MAPKAP1: variants seen among roughly 807,000 people sequenced by gnomAD.
The protein encoded by MAPKAP1 is MAPK associated protein 1, also known as target of rapamycin complex 2 subunit MAPKAP1.
Under a neutral mutation model 65.7 loss-of-function variants are expected in MAPKAP1, and 20 were observed. The ratio of observed to expected loss-of-function variants is 0.30; its 90% CI spans 0.21 to 0.44. MAPKAP1 has a LOEUF of 0.44. MAPKAP1 is among the 20% of genes least tolerant of loss of function. The probability of loss-of-function intolerance (pLI) is 1.00; values close to 1 mark genes in which losing one functional copy is unlikely to be tolerated. For missense variants in MAPKAP1, 423 were observed against 648.0 expected (o/e 0.65, Z 3.77); for synonymous variants, 222 against 244.3 (o/e 0.91, Z 0.85).
chr9:125,498,046 A>C (rs1405800864), intron 8 of MAPKAP1, among the ~76,000 whole-genome samples: 2 of 152,134 alleles, frequency 1.3e-5, no homozygotes, highest in Non-Finnish European at 2.9e-5. Flanking sequence ...CCTCCCCATA[A>C]TGTACTTGGG....
chr9:125,489,509 G>A (rs1037949748), intron 8 of MAPKAP1, among the ~76,000 whole-genome samples: 1 of 152,176 alleles, frequency 6.6e-6, no homozygotes, highest in African/African-American at 2.4e-5. Context: ...GGGCCTAATA[G>A]TGACTTGAGC....
At position 125,629,054 on chromosome 9, in the gene MAPKAP1, A is replaced by AACACACACAC. The variant is rs71374284; in HGVS notation, c.498+28587_498+28596dup. Reference sequence around the variant, plus strand: ...CACCTGTTAGGATGGTCACTGTCAAAACACACACACACACACACACACACA... The same window carrying AACACACACAC: ...CACCTGTTAGGATGGTCACTGTCAAAACACACACACACACACACACACACACACACACACA... On this transcript the variant is annotated intron_variant, in intron 4 of 11. Coordinates refer to ENST00000265960, the MANE Select transcript of MAPKAP1 (RefSeq NM_001006617.3). Among the ~76,000 whole-genome samples the AACACACACAC allele has an allele frequency of 9.4e-4, 138 of 147,478 alleles. 1 individual carries two copies. Among genetic ancestry groups the AACACACACAC allele is most frequent in the East Asian group, 6.8e-3 (34 of 5,022 alleles).
chr9:125,491,683 A>T (rs1208378647), intron 8 of MAPKAP1, among the ~76,000 whole-genome samples: 1 of 151,790 alleles, frequency 6.6e-6, no homozygotes, highest in Non-Finnish European at 1.5e-5. Context: ...GGGGAAGCCG[A>T]GGTGGGAGGA....
intron 5 of MAPKAP1, among the ~76,000 whole-genome samples, chr9:125,577,020 G>A (rs1429055013): frequency 6.6e-6 from 1 of 150,682 alleles, no homozygotes. Flanking sequence ...TGGCTGCCCA[G>A]TCTGGAAAGT....
intron 7 of MAPKAP1, among the ~76,000 whole-genome samples, chr9:125,519,374 G>C (rs114875193): frequency 1.4e-4 from 22 of 152,216 alleles, no homozygotes; most frequent in African/African-American, 5.1e-4. Flanking sequence ...GGTTGCTCGT[G>C]CCTGTAATCC....
intron 9 of MAPKAP1, among the ~76,000 whole-genome samples, chr9:125,470,657 A>G (rs1853877711): frequency 1.3e-5 from 2 of 152,180 alleles, no homozygotes; most frequent in South Asian, 2.1e-4. Context: ...CACTTTCCCA[A>G]TGACGCCCTT....
chr9:125,589,324 C>T (rs1043501502), intron 4 of MAPKAP1, among the ~76,000 whole-genome samples: 1 of 152,148 alleles, frequency 6.6e-6, no homozygotes, highest in African/African-American at 2.4e-5. Context: ...GCTTTCTCCA[C>T]GAAGTTTCCT....
At chr9:125,621,656 G>A (rs945418134) in intron 4 of MAPKAP1, among the ~76,000 whole-genome samples, 3 of 152,186 alleles carry the variant, frequency 2.0e-5, no homozygotes, top group African/African-American at 7.2e-5. Context: ...TAATTCAAAT[G>A]TGTATGTTTA....
At chr9:125,492,501 T>C (rs1304589040) in intron 8 of MAPKAP1, among the ~76,000 whole-genome samples, 1 of 152,226 alleles carries the variant, frequency 6.6e-6, no homozygotes, top group Admixed American at 6.5e-5. Flanking sequence ...AATACTGTTT[T>C]ATAGTTTTAA....
At chr9:125,634,727 G>A (rs937348026) in intron 4 of MAPKAP1, among the ~76,000 whole-genome samples, 4 of 152,160 alleles carry the variant, frequency 2.6e-5, no homozygotes, top group African/African-American at 9.7e-5. Flanking sequence ...GGGTTAGAGG[G>A]GAGATGGAAA....
chr9:125,600,892 A>T (rs2131610113), intron 4 of MAPKAP1, among the ~76,000 whole-genome samples: 1 of 152,310 alleles, frequency 6.6e-6, no homozygotes, highest in East Asian at 1.9e-4. Context: ...CATAATGATG[A>T]TATTATCAGG....
At chr9:125,633,174 T>C (rs1833335076) in intron 4 of MAPKAP1, among the ~76,000 whole-genome samples, 1 of 152,040 alleles carries the variant, frequency 6.6e-6, no homozygotes, top group Non-Finnish European at 1.5e-5. Context: ...ATGAAAGAAG[T>C]GAGATTTAAG....
At chr9:125,448,436 C>T (rs1852802042) in intron 10 of MAPKAP1, among the ~76,000 whole-genome samples, 1 of 152,064 alleles carries the variant, frequency 6.6e-6, no homozygotes. Context: ...AAGGAACTGC[C>T]CACACTTCAA....
At chr9:125,570,973 C>A (rs140809899) in intron 5 of MAPKAP1, among the ~76,000 whole-genome samples, 1 of 151,406 alleles carries the variant, frequency 6.6e-6, no homozygotes. Context: ...TCTTAACTTA[C>A]GGTTAAACAT....
chr9:125,537,654 T>A (rs1047973612), intron 7 of MAPKAP1, among the ~76,000 whole-genome samples: 1 of 152,214 alleles, frequency 6.6e-6, no homozygotes, highest in Non-Finnish European at 1.5e-5. Flanking sequence ...GCTAATTTTT[T>A]AAATTTTTTG....
At position 125,438,707 on chromosome 9, in the gene MAPKAP1, TC is replaced by T. The variant is rs886840262; in HGVS notation, c.*179del. ...AGCAGACTTCCGTCCCATGGCAATG[TC>T]CCCAGCGCTCCCTCCTAGGGGGCCC... On this transcript the variant is annotated 3_prime_UTR_variant, in exon 12 of 12. Coordinates refer to ENST00000265960, the MANE Select transcript of MAPKAP1 (RefSeq NM_001006617.3). The T allele has an allele frequency of 4.6e-6, 3 of 657,560 alleles. No homozygotes were observed. The highest frequency in any genetic ancestry group is 5.8e-5 in the Admixed American group (2 of 34,430). The allele number at this position is 657,560 out of a possible 1,614,324, so 40.7% of individuals were successfully genotyped here.
At chr9:125,584,172 C>T (rs567991383) in intron 5 of MAPKAP1, among the ~76,000 whole-genome samples, 1 of 152,164 alleles carries the variant, frequency 6.6e-6, no homozygotes, top group African/African-American at 2.4e-5. Context: ...GAGGACCTCA[C>T]AGCTCACCCT....
chr9:125,686,763 C>G (rs1281944844), intron 1 of MAPKAP1, among the ~76,000 whole-genome samples: 1 of 152,064 alleles, frequency 6.6e-6, no homozygotes, highest in Non-Finnish European at 1.5e-5. Flanking sequence ...CCGGTACACT[C>G]TCTACAAAGG....
chr9:125,518,815 G>T (rs1377252895), intron 7 of MAPKAP1, among the ~76,000 whole-genome samples: 1 of 152,200 alleles, frequency 6.6e-6, no homozygotes, highest in Non-Finnish European at 1.5e-5. Flanking sequence ...TAGGTGCACT[G>T]ATATGTGGAT....
Sources: allele counts gnomAD v4.1 joint callset (sites outside exome capture counted in the v4.1 genomes callset), GRCh38; gene constraint gnomAD v4.1.1; transcripts MANE v1.5; gene names NCBI Gene and HGNC (gene_info 2026-07-23, HGNC 2026-07-21).